Variants in CNTN5 observed in about 807,000 individuals in gnomAD.
CNTN5 encodes the protein contactin-5.
Under a neutral mutation model 129.1 loss-of-function variants are expected in CNTN5, and 77 were observed. The ratio of observed to expected loss-of-function variants is 0.60; its 90% CI spans 0.50 to 0.72. The LOEUF (loss-of-function observed/expected upper bound fraction) is 0.72. Ranked by LOEUF, CNTN5 falls within the 30% of genes least tolerant of loss-of-function variation. The pLI, the probability that CNTN5 is intolerant of heterozygous loss-of-function variation, is 0.00. For missense variants in CNTN5, 1,478 were observed against 1,328.8 expected (o/e 1.11, Z -1.75); for synonymous variants, 509 against 465.6 (o/e 1.09, Z -1.20).
At chr11:99,345,830 T>G (rs1313167805) in intron 2 of CNTN5, among the ~76,000 whole-genome samples, 1 of 152,200 alleles carries the variant, frequency 6.6e-6, no homozygotes, top group Non-Finnish European at 1.5e-5. Flanking sequence ...TCCTGGCCCC[T>G]TTGAAATAGA....
chr11:99,565,647 A>C (rs953483723), intron 3 of CNTN5, among the ~76,000 whole-genome samples: 3 of 152,184 alleles, frequency 2.0e-5, no homozygotes, highest in Non-Finnish European at 4.4e-5. Flanking sequence ...AGTTCTCCTG[A>C]AAAATGATTT....
At chr11:100,102,161 A>C (rs1016687500) in intron 13 of CNTN5, among the ~76,000 whole-genome samples, 1 of 152,036 alleles carries the variant, frequency 6.6e-6, no homozygotes, top group Non-Finnish European at 1.5e-5. Context: ...ACTGTTTTCT[A>C]TAGTGGTTGT....
At chr11:99,530,586 T>C (rs1947661925) in intron 2 of CNTN5, among the ~76,000 whole-genome samples, 1 of 152,166 alleles carries the variant, frequency 6.6e-6, no homozygotes, top group Non-Finnish European at 1.5e-5. Flanking sequence ...ACAGCTTCCA[T>C]ACTGATATGG....
intron 17 of CNTN5, among the ~76,000 whole-genome samples, chr11:100,269,557 C>T (rs1950370608): frequency 6.6e-6 from 1 of 152,064 alleles, no homozygotes. Context: ...TTAAGAGGTC[C>T]ACCCCTTAAT....
intron 2 of CNTN5, among the ~76,000 whole-genome samples, chr11:99,516,526 T>C (rs1947057744): frequency 6.6e-6 from 1 of 152,042 alleles, no homozygotes; most frequent in Non-Finnish European, 1.5e-5. Context: ...GCATACATAA[T>C]GCACACATCC....
At chr11:100,261,923 G>A (rs1203370454) in intron 17 of CNTN5, among the ~76,000 whole-genome samples, 5 of 152,142 alleles carry the variant, frequency 3.3e-5, no homozygotes, top group Admixed American at 1.3e-4. Flanking sequence ...AAAAGCAATG[G>A]CAACAAAAGC....
intron 1 of CNTN5, among the ~76,000 whole-genome samples, chr11:99,154,895 G>A (rs1369760346): frequency 1.3e-5 from 2 of 152,122 alleles, no homozygotes. Context: ...TCCTAAAGAA[G>A]CATGAAAACC....
intron 3 of CNTN5, among the ~76,000 whole-genome samples, chr11:99,735,433 T>A (rs999712001): frequency 7.2e-5 from 11 of 152,326 alleles, no homozygotes; most frequent in African/African-American, 2.6e-4. Flanking sequence ...TTTCACCAAT[T>A]TTGGTTAAAA....
At chr11:99,726,939 T>A (rs10893801) in intron 3 of CNTN5, among the ~76,000 whole-genome samples, 71,717 of 151,848 alleles carry the variant, frequency 0.47, 17,416 homozygotes, top group South Asian at 0.65. Flanking sequence ...AAAATTTACA[T>A]AAAAGATAAT....
chr11:100,013,665 G>A (rs1480783878), intron 9 of CNTN5, among the ~76,000 whole-genome samples: 2 of 151,956 alleles, frequency 1.3e-5, no homozygotes, highest in Non-Finnish European at 2.9e-5. Flanking sequence ...TCACAGTCTT[G>A]GATTTCTAAA....
intron 9 of CNTN5, among the ~76,000 whole-genome samples, chr11:100,039,749 A>G (rs1027723569): frequency 6.6e-6 from 1 of 152,146 alleles, no homozygotes; most frequent in East Asian, 1.9e-4. Flanking sequence ...CCTTTCTTCC[A>G]GTTGATGGCA....
chr11:99,189,535 G>A (rs558868130), intron 1 of CNTN5, among the ~76,000 whole-genome samples: 2 of 151,516 alleles, frequency 1.3e-5, no homozygotes, highest in Non-Finnish European at 1.5e-5. Context: ...CTCCATATCC[G>A]TGTCAACACT....
At chr11:99,970,869 A>G (rs76284128) in intron 8 of CNTN5, among the ~76,000 whole-genome samples, 1,591 of 152,196 alleles carry the variant, frequency 0.01, 26 homozygotes, top group African/African-American at 0.033. Flanking sequence ...CTTGCCTTCA[A>G]TAGTTTTTCA....
At chr11:99,248,128 T>C in intron 1 of CNTN5, among the ~76,000 whole-genome samples, 1 of 152,186 alleles carries the variant, frequency 6.6e-6, no homozygotes, top group Non-Finnish European at 1.5e-5. Flanking sequence ...CACCTGTTGT[T>C]TCCTGACGTT....
At chr11:99,312,625 A>T (rs1377970654) in intron 1 of CNTN5, among the ~76,000 whole-genome samples, 1 of 152,148 alleles carries the variant, frequency 6.6e-6, no homozygotes, top group Non-Finnish European at 1.5e-5. Flanking sequence ...TTGACAAATT[A>T]TGTAGCCTTT....
chr11:99,164,680 T>TC lies in CNTN5; in HGVS notation c.-210+143413dup, dbSNP rs1364852793. 2.6e-5 allele frequency among the ~76,000 whole-genome samples: 4 copies of TC among 152,308 alleles called. No individual in the cohort carries two copies. In the East Asian group the frequency reaches 5.8e-4, roughly 22 times the overall value. On this transcript the variant is annotated intron_variant, in intron 1 of 24. Coordinates refer to ENST00000524871, the MANE Select transcript of CNTN5 (RefSeq NM_014361.4). ...TATAAGCTGTAAGTACATGCTATTTTCCCTGATAATTTTATAAATAAGAAT... is the reference window on the plus strand; with the variant it reads ...TATAAGCTGTAAGTACATGCTATTTTCCCCTGATAATTTTATAAATAAGAAT...
intron 6 of CNTN5, among the ~76,000 whole-genome samples, chr11:99,912,737 T>C (rs1232092524): frequency 6.6e-6 from 1 of 151,678 alleles, no homozygotes; most frequent in Non-Finnish European, 1.5e-5. Context: ...TTAAACCCTG[T>C]GTGAGCTTCT....
intron 1 of CNTN5, among the ~76,000 whole-genome samples, chr11:99,068,025 T>A (rs1865175323): frequency 6.6e-6 from 1 of 152,244 alleles, no homozygotes; most frequent in Admixed American, 6.5e-5. Context: ...TTATTCTCCT[T>A]CTTGCCACCT....
chr11:100,232,049 T>C (rs1454833695), intron 16 of CNTN5, among the ~76,000 whole-genome samples: 1 of 151,796 alleles, frequency 6.6e-6, no homozygotes, highest in Non-Finnish European at 1.5e-5. Flanking sequence ...AGCTCCTCAG[T>C]AGGCTGAGGC....
Sources: allele counts gnomAD v4.1 joint callset (sites outside exome capture counted in the v4.1 genomes callset), GRCh38; gene constraint gnomAD v4.1.1; transcripts MANE v1.5; gene names NCBI Gene and HGNC (gene_info 2026-07-23, HGNC 2026-07-21).